UGT3A1: variants seen among roughly 807,000 people sequenced by gnomAD.
The protein encoded by UGT3A1 is UDP glycosyltransferase family 3 member A1, also known as UDP-glycosyltransferase 3A1.
Under a neutral mutation model 37.6 loss-of-function variants are expected in UGT3A1, and 40 were observed. That is an observed-to-expected ratio of 1.06 (90% confidence interval 0.83 to 1.38). The LOEUF is 1.38. Among genes scored for constraint, UGT3A1 ranks in the 40% most tolerant of loss-of-function variants. The pLI is 0.00. For missense variants in UGT3A1, 642 were observed against 634.2 expected, an observed-to-expected ratio of 1.01 and a Z score of -0.13; for synonymous variants, 256 against 232.3, an observed-to-expected ratio of 1.10 and a Z score of -0.93.
rs943968983 is a variant in UGT3A1, at chr5:36,000,373, G to T, written c.-160+595C>A. Among the ~76,000 whole-genome samples the T allele has an allele frequency of 3.9e-5, 6 of 152,208 alleles. No homozygotes were observed. The East Asian group carries it at 1.2e-3, about 29-fold the overall frequency. The stretch of plus-strand genomic sequence containing the variant: ...CTTTTACAGTGTGCTCCCAGAAGAT[G>T]AGATGCCTCATCATGATCTGCAACC... On this transcript the variant is annotated intron_variant, in intron 1 of 5. Coordinates refer to the UGT3A1 transcript ENST00000625798.
At chr5:35,988,407 C>G in intron 2 of UGT3A1, 43 bp downstream of exon 2, 1 of 1,403,024 alleles carries the variant, frequency 7.1e-7, no homozygotes, top group Non-Finnish European at 9.7e-7. Context: ...TCACTTTTTG[C>G]TTAGAGTAAA....
intron 3 of UGT3A1, 143 bp downstream of exon 3, chr5:35,967,876 C>A: frequency 1.5e-6 from 1 of 667,452 alleles, no homozygotes; most frequent in Non-Finnish European, 2.6e-6. Flanking sequence ...TCCATTCATC[C>A]ACTCACACAT....
Position 35,976,887 on chromosome 5 carries a change from GGGAA to G in UGT3A1, c.197-8758_197-8755del, listed in dbSNP as rs142548507. Among the ~76,000 whole-genome samples the G allele has an allele frequency of 9.0e-3, 1,215 of 135,476 alleles. 16 individuals are homozygous for G. The highest frequency in any genetic ancestry group is 0.02 in the African/African-American group (709 of 36,234). The allele number at this position is 135,476 out of a possible 152,430, so 88.9% of individuals were successfully genotyped here. On this transcript the variant is annotated intron_variant, in intron 2 of 6. Coordinates refer to ENST00000274278, the MANE Select transcript of UGT3A1 (RefSeq NM_152404.4). ...AAGAAGGGACGGAGGGAGAGAGGAA[GGGAA>G]GGAAGGAAGGAAGGAAGGAGAGAGA...
chr5:35,991,133 G>C lies in UGT3A1; in HGVS notation c.94+14C>G, dbSNP rs754199561. The C allele has an allele frequency of 2.7e-5, 44 of 1,614,158 alleles. No individual in the cohort carries two copies. Among genetic ancestry groups the C allele is most frequent in the Non-Finnish European group, 3.7e-5 (44 of 1,180,014 alleles). ...GGACGCGCCTGTCTGGGAATTCTCCGGCCAAGCACTCACCCAGTGTAGATA... is the reference window on the plus strand; with the variant it reads ...GGACGCGCCTGTCTGGGAATTCTCCCGCCAAGCACTCACCCAGTGTAGATA... On this transcript the variant is annotated intron_variant, in intron 1 of 6. Coordinates refer to ENST00000274278, the MANE Select transcript of UGT3A1 (RefSeq NM_152404.4).
At chr5:35,987,771 C>T (rs1452946929) in intron 2 of UGT3A1, among the ~76,000 whole-genome samples, 1 of 152,142 alleles carries the variant, frequency 6.6e-6, no homozygotes, top group African/African-American at 2.4e-5. Flanking sequence ...CCTGAAGACC[C>T]AGATTCGCCC....
Position 35,953,950 on chromosome 5 carries a change from G to C in UGT3A1, c.*252C>G. 2.2e-6 allele frequency: 1 copy of C among 458,870 alleles called. No homozygotes were observed. The highest frequency in any genetic ancestry group is 3.9e-6 in the Non-Finnish European group (1 of 254,938). 28.4% of individuals were successfully genotyped at this position (458,870 alleles called of 1,614,324 possible). ...TCAGAGTCCTGTGTCTAGGAAAAGG[G>C]AGAAAGGAGGAGGCAGGGCTGGCAG... On this transcript the variant is annotated 3_prime_UTR_variant, in exon 7 of 7. Transcript: ENST00000274278.
At position 35,957,390 on chromosome 5, in the gene UGT3A1, C is replaced by T; in HGVS notation, c.873G>A (p.Gly291=). The T allele has an allele frequency of 6.2e-7, 1 of 1,614,064 alleles. No individual in the cohort carries two copies. The highest frequency in any genetic ancestry group is 1.1e-5 in the South Asian group (1 of 91,036). Residue 291 remains glycine, a synonymous_variant, in exon 5 of 7, where the codon GGG becomes GGA. Transcript: ENST00000274278. ...QDLDNFIANF[G]DAGFVLVAFG... ...AGGCCACAAGGACAAACCCTGCATC[C>T]CCAAAGTTGGCAATGAAGTTGTCCA...
chr5:35,991,704 C>T, upstream of UGT3A1: 3 of 930,808 alleles, frequency 3.2e-6, no homozygotes, highest in Non-Finnish European at 3.8e-6. Flanking sequence ...GTGCCATCTC[C>T]ATGCCCCCAT....
intron 2 of UGT3A1, among the ~76,000 whole-genome samples, chr5:35,981,244 C>G (rs1486865851): frequency 6.6e-6 from 1 of 152,158 alleles, no homozygotes; most frequent in African/African-American, 2.4e-5. Flanking sequence ...TCTGCAATTA[C>G]AGAAAACCAA....
chr5:35,990,368 G>A (rs1740895279), intron 1 of UGT3A1, among the ~76,000 whole-genome samples: 1 of 151,960 alleles, frequency 6.6e-6, no homozygotes, highest in African/African-American at 2.4e-5. Flanking sequence ...CGCCCACTAC[G>A]GATTAAAATA....
In UGT3A1 at chr5:35,954,162, A is replaced by T. The variant is rs764810907; in HGVS notation, c.*40T>A. ...CTGGGGTGGGGAGAACCTTCAAAGG[A>T]CCAGGGATGCCCTCCCCTCACCCAA... On this transcript the variant is annotated 3_prime_UTR_variant, in exon 7 of 7. Coordinates refer to ENST00000274278, the MANE Select transcript of UGT3A1 (RefSeq NM_152404.4). 1.9e-6 allele frequency: 3 copies of T among 1,595,592 alleles called. No individual in the cohort carries two copies. Among genetic ancestry groups the T allele is most frequent in the Non-Finnish European group, 2.6e-6 (3 of 1,169,768 alleles).
At chr5:35,961,651 A>G (rs1116201) in intron 4 of UGT3A1, 87,466 of 151,972 alleles carry the variant, frequency 0.58, 25,819 homozygotes, top group African/African-American at 0.67. Flanking sequence ...TTGCATGGTG[A>G]CCATTAATGC....
intron 6 of UGT3A1, chr5:35,954,744 T>C: frequency 2.0e-6 from 1 of 507,058 alleles, no homozygotes; most frequent in Non-Finnish European, 3.5e-6. Context: ...CTCTAAGAAC[T>C]AGTCCATATC....
At chr5:35,978,937 A>G (rs1740408995) in intron 2 of UGT3A1, among the ~76,000 whole-genome samples, 1 of 152,172 alleles carries the variant, frequency 6.6e-6, no homozygotes, top group Non-Finnish European at 1.5e-5. Flanking sequence ...ATTTGCCAAA[A>G]CAAAGGGGCT....
Position 35,954,349 on chromosome 5 carries a change from G to C in UGT3A1, c.1425C>G (p.Ala475=), listed in dbSNP as rs1265225707. The part of the protein sequence containing the change: ...TGGATHLKPY[A]FQQPWHEQYL... ...ACTGCTCATGCCAAGGCTGCTGGAA[G>C]GCATAGGGCTTGAGGTGCGTCGCTC... Residue 475 remains alanine, a synonymous_variant, in exon 7 of 7, where the codon GCC becomes GCG. Transcript: ENST00000274278. The C allele has an allele frequency of 6.2e-7, 1 of 1,614,102 alleles. No individual in the cohort carries two copies. The highest frequency in any genetic ancestry group is 1.3e-5 in the African/African-American group (1 of 74,932).
Position 35,991,177 on chromosome 5 carries a change from C to G in UGT3A1, c.64G>C (p.Ala22Pro), listed in dbSNP as rs761686824. 13 of 1,613,876 alleles carry G rather than the reference C, an allele frequency of 8.1e-6. No individual in the cohort carries two copies. In the South Asian group the frequency reaches 1.3e-4, roughly 16 times the overall value. The change falls in exon 1 of 7, where the codon GCT (alanine) becomes CCT (proline). Residue 22 changes from alanine (A) to proline (P), a missense_variant. By Grantham distance (27) the Ala-to-Pro change is conservative (BLOSUM62 -1). Transcript: ENST00000274278. ...GTAGATATTGTCAGGATTTTGGCAG[C>G]CTCTGAGAGCAGGACCCCAGAAAGA... Reference protein sequence around the residue: ...FLLSGVLLSEAAKILTISTLG... With the variant: ...FLLSGVLLSEPAKILTISTLG...
At chr5:36,000,390 T>A (rs1035818194) in intron 1 of UGT3A1, among the ~76,000 whole-genome samples, 2 of 152,226 alleles carry the variant, frequency 1.3e-5, no homozygotes, top group African/African-American at 4.8e-5. Context: ...CTCATCATGA[T>A]CTGCAACCCA....
At chr5:35,956,027 C>T (rs962076004) in intron 5 of UGT3A1, among the ~76,000 whole-genome samples, 163 bp from the exon 6 acceptor site, 96 of 152,236 alleles carry the variant, frequency 6.3e-4, no homozygotes, top group African/African-American at 2.1e-3. Flanking sequence ...TTCCAGGATA[C>T]AAGATTCAAG....
intron 2 of UGT3A1, among the ~76,000 whole-genome samples, chr5:35,970,059 G>C (rs960666758): frequency 2.0e-5 from 3 of 152,158 alleles, no homozygotes; most frequent in African/African-American, 7.2e-5. Context: ...CAGGCAAAGA[G>C]AGAGAGAGCT....
Sources: allele counts gnomAD v4.1 joint callset (sites outside exome capture counted in the v4.1 genomes callset), GRCh38; gene constraint gnomAD v4.1.1; transcripts MANE v1.5; gene names NCBI Gene and HGNC (gene_info 2026-07-23, HGNC 2026-07-21).